SLC37A1: variants seen among roughly 807,000 people sequenced by gnomAD.
SLC37A1 encodes the protein glucose-6-phosphate exchanger SLC37A1.
SLC37A1 carries 49 observed loss-of-function variants against 75.3 expected under a neutral mutation model. The observed-to-expected ratio is 0.65, with a 90% CI of 0.52 to 0.83. SLC37A1 has a LOEUF of 0.83. Ranked by LOEUF, SLC37A1 falls within the 40% of genes least tolerant of loss-of-function variation. The pLI is 0.00. For synonymous variants in SLC37A1, 268 were observed against 292.1 expected (o/e 0.92, Z 0.84); for missense variants, 566 against 695.0 (o/e 0.81, Z 2.09).
At chr21:42,557,269 C>A (rs192476203) in intron 10 of SLC37A1, among the ~76,000 whole-genome samples, 39 of 152,374 alleles carry the variant, frequency 2.6e-4, no homozygotes, top group African/African-American at 9.1e-4. Flanking sequence ...GTGGAACTCG[C>A]CTGGGGCTGC....
At chr21:42,510,931 T>C (rs1237888141), upstream of SLC37A1, among the ~76,000 whole-genome samples, 1 of 152,138 alleles carries the variant, frequency 6.6e-6, no homozygotes, top group East Asian at 1.9e-4. Flanking sequence ...CAACAATGAA[T>C]AGATGATCCA....
chr21:42,540,580 C>T (rs1165821770), intron 6 of SLC37A1, among the ~76,000 whole-genome samples: 1 of 152,146 alleles, frequency 6.6e-6, no homozygotes, highest in Non-Finnish European at 1.5e-5. Flanking sequence ...GGACAGCGCG[C>T]GCTGGCTTTG....
chr21:42,532,471 A>G (rs1450670738), intron 3 of SLC37A1, among the ~76,000 whole-genome samples: 1 of 152,120 alleles, frequency 6.6e-6, no homozygotes, highest in Admixed American at 6.5e-5. Context: ...TCAGAGGTGA[A>G]TTGTAGTGGC....
At position 42,535,521 on chromosome 21, in the gene SLC37A1, G is replaced by T; in HGVS notation, c.321G>T (p.Leu107=). ...QLLGALDYSF[L]CAYAVGMYLS... is the part of the protein sequence containing the mutation. Reference sequence around the variant, plus strand: ...TTGGGGCCCTGGACTACTCCTTCCTGTGCGCCTATGCCGTGGGGATGTACC... The same window carrying T: ...TTGGGGCCCTGGACTACTCCTTCCTTTGCGCCTATGCCGTGGGGATGTACC... The change falls in exon 5 of 20, where the codon CTG becomes CTT. Residue 107 remains leucine, a synonymous_variant. Transcript: ENST00000352133. The T allele has an allele frequency of 6.2e-7, 1 of 1,614,180 alleles. No homozygotes were observed. Among genetic ancestry groups the T allele is most frequent in the Non-Finnish European group, 8.5e-7 (1 of 1,180,036 alleles).
intron 2 of SLC37A1, among the ~76,000 whole-genome samples, chr21:42,520,340 G>A (rs2054618047): frequency 6.6e-6 from 1 of 151,972 alleles, no homozygotes; most frequent in Non-Finnish European, 1.5e-5. Context: ...TTCTGACCTT[G>A]GCTTTTTTTC....
rs757234787 is a variant in SLC37A1, at chr21:42,559,033, G to T, written c.925G>T (p.Gly309Trp). Residue 309 changes from glycine to tryptophan, a missense_variant, in exon 11 of 20, where the codon GGG becomes TGG. Coordinates refer to ENST00000352133, the MANE Select transcript of SLC37A1 (RefSeq NM_001320537.2). ...CCCGAACCACGTCGTCATTCTCCCC[G>T]GGGACGGTGGGAGTGGCACGGCCGC... ...IHPNHVVILP[G>W]DGGSGTAAIS... 5.6e-6 allele frequency: 9 copies of T among 1,613,500 alleles called. No individual in the cohort carries two copies. Among genetic ancestry groups the T allele is most frequent in the Middle Eastern group, 1.6e-4 (1 of 6,080 alleles).
intron 18 of SLC37A1, chr21:42,575,136 T>C (rs2056278703): frequency 3.0e-6 from 3 of 985,360 alleles, no homozygotes; most frequent in South Asian, 9.4e-5. Context: ...TTGGGCGGGA[T>C]AGCACAAAGG....
chr21:42,504,101 A>G (rs1228790749), intron 2 of SLC37A1, among the ~76,000 whole-genome samples: 1 of 152,246 alleles, frequency 6.6e-6, no homozygotes, highest in Non-Finnish European at 1.5e-5. Flanking sequence ...TTTCATTTAG[A>G]ATGTGATTCA....
intron 7 of SLC37A1, among the ~76,000 whole-genome samples, chr21:42,542,694 G>A (rs1444784953): frequency 6.6e-6 from 1 of 152,238 alleles, no homozygotes; most frequent in Admixed American, 6.5e-5. Flanking sequence ...GGTGAAGTCC[G>A]TGTCACTCGG....
chr21:42,578,618 T>A (rs1188884587), intron 18 of SLC37A1, among the ~76,000 whole-genome samples: 4 of 152,200 alleles, frequency 2.6e-5, no homozygotes, highest in Non-Finnish European at 5.9e-5. Flanking sequence ...CTTGCTATTG[T>A]CACCAGCACT....
intron 11 of SLC37A1, 154 bp from the exon 12 acceptor site, chr21:42,561,924 C>T (rs2055840983): frequency 1.0e-5 from 7 of 668,028 alleles, no homozygotes; most frequent in Non-Finnish European, 1.9e-5. Flanking sequence ...CACAGCGGTG[C>T]AGCACCCTCC....
chr21:42,559,875 C>CA (rs35483329), intron 11 of SLC37A1, among the ~76,000 whole-genome samples: 5,215 of 127,706 alleles, frequency 0.041, 305 homozygotes, highest in African/African-American at 0.12. Context: ...GACTCTGTCT[C>CA]AAAAAAAAAA....
intron 10 of SLC37A1, among the ~76,000 whole-genome samples, chr21:42,556,531 T>C (rs1055972276): frequency 5.9e-5 from 9 of 152,220 alleles, no homozygotes; most frequent in Non-Finnish European, 1.5e-5. Flanking sequence ...TCTGTGTGTA[T>C]TTTTGTTGTG....
chr21:42,551,092 C>T (rs574936073), intron 9 of SLC37A1, among the ~76,000 whole-genome samples: 6 of 152,312 alleles, frequency 3.9e-5, no homozygotes, highest in Non-Finnish European at 7.3e-5. Context: ...AGGATATAAA[C>T]GGCATGCAGA....
At chr21:42,571,504 T>C (rs945570982) in intron 17 of SLC37A1, among the ~76,000 whole-genome samples, 1 of 152,226 alleles carries the variant, frequency 6.6e-6, no homozygotes, top group Non-Finnish European at 1.5e-5. Context: ...AAGCTTATTA[T>C]GTTGTACAGC....
In SLC37A1 at chr21:42,560,203, A is replaced by G. The variant is rs1403619816; in HGVS notation, c.981+1114A>G. Among the ~76,000 whole-genome samples the G allele has an allele frequency of 3.3e-5, 5 of 152,180 alleles. No individual in the cohort carries two copies. In the East Asian group the frequency reaches 7.7e-4, roughly 23 times the overall value. On this transcript the variant is annotated intron_variant, in intron 11 of 19. Transcript: ENST00000352133. The stretch of plus-strand genomic sequence containing the variant: ...TTACATTGATGGACTCTCTCAGCAG[A>G]GAATCTAAGGAGCTGTGCACAGGGT...
In SLC37A1 at chr21:42,552,374, A is replaced by G. The variant is rs946201985; in HGVS notation, c.769-1688A>G. On this transcript the variant is annotated intron_variant, in intron 9 of 19. Coordinates refer to ENST00000352133, the MANE Select transcript of SLC37A1 (RefSeq NM_001320537.2). The surrounding 1 kb of genome is among the most constrained non-coding windows in gnomAD (Gnocchi z 4.2). Reference sequence around the variant, plus strand: ...AGTTACTAAAACAAGATGGGAAGGTATTTCTCTCTTCTATTCAAGAAATCT... The same window carrying G: ...AGTTACTAAAACAAGATGGGAAGGTGTTTCTCTCTTCTATTCAAGAAATCT... Among the ~76,000 whole-genome samples the G allele has an allele frequency of 6.6e-6, 1 of 152,186 alleles. No individual in the cohort carries two copies. Among genetic ancestry groups the G allele is most frequent in the Non-Finnish European group, 1.5e-5 (1 of 68,022 alleles).
intron 11 of SLC37A1, chr21:42,561,385 C>T (rs1471049716): frequency 1.3e-5 from 2 of 153,798 alleles, no homozygotes; most frequent in Non-Finnish European, 1.5e-5. Flanking sequence ...CTCATACCTA[C>T]GTGTCTCTTT....
At chr21:42,565,636 G>A (rs2055956747) in intron 14 of SLC37A1, among the ~76,000 whole-genome samples, 191 bp from the exon 15 acceptor site, 1 of 152,252 alleles carries the variant, frequency 6.6e-6, no homozygotes, top group Non-Finnish European at 1.5e-5. Context: ...TTGGTCCAAA[G>A]CCCTCGTGGT....
Sources: gnomAD v4.1 joint callset for allele counts (sites outside exome capture counted in the v4.1 genomes callset) on GRCh38, gnomAD v4.1.1 for gene constraint, Gnocchi (gnomAD v3.1) non-coding constraint, MANE v1.5 for transcripts, NCBI Gene and HGNC (gene_info 2026-07-23, HGNC 2026-07-21) for gene names.